Variants in UBA5 observed in about 807,000 individuals in gnomAD.
The protein encoded by UBA5 is ubiquitin-like modifier-activating enzyme 5.
UBA5 carries 28 observed loss-of-function variants against 52.9 expected under a neutral mutation model. The ratio of observed to expected loss-of-function variants is 0.53; its 90% CI spans 0.39 to 0.73. The LOEUF is 0.73. Among genes scored for constraint, UBA5 ranks in the 30% least tolerant of loss-of-function variants. UBA5 has a pLI of 0.00. For synonymous variants in UBA5, 135 were observed against 162.1 expected (o/e 0.83, Z 1.27); for missense variants, 388 against 492.7 (o/e 0.79, Z 2.01).
At position 132,679,183 on chromosome 3, in the gene UBA5, G is replaced by A. The variant is rs148466973; in HGVS notation, c.*2657G>A. ...CTTAGGAGGCTGAGGCAGGAGAATC[G>A]CTTGAACCTGGGAGGCAGAGGTTGC... On this transcript the variant is annotated 3_prime_UTR_variant, in exon 12 of 12. Transcript: ENST00000356232. Among the ~76,000 whole-genome samples the A allele has an allele frequency of 0.028, 4,229 of 151,802 alleles. 173 individuals are homozygous for A. The highest frequency in any genetic ancestry group is 0.095 in the African/African-American group (3,928 of 41,362).
chr3:132,674,358 C>T (rs905879133), intron 8 of UBA5, among the ~76,000 whole-genome samples: 1 of 152,054 alleles, frequency 6.6e-6, no homozygotes, highest in Non-Finnish European at 1.5e-5. Context: ...TTACTTTTAA[C>T]AAAAACTGCA....
chr3:132,673,211 A>G (rs1938680102), intron 8 of UBA5, among the ~76,000 whole-genome samples: 1 of 152,186 alleles, frequency 6.6e-6, no homozygotes, highest in Non-Finnish European at 1.5e-5. Context: ...TGGCTAACAA[A>G]GTATTCCCTT....
chr3:132,655,333 G>T (rs57439039), upstream of UBA5, among the ~76,000 whole-genome samples: 56,110 of 151,444 alleles, frequency 0.37, 12,921 homozygotes, highest in East Asian at 0.71. Flanking sequence ...TTGTTTGTTT[G>T]TTTAAAGATT....
intron 3 of UBA5, chr3:132,668,040 T>C (rs1001860909): frequency 6.6e-6 from 1 of 152,144 alleles, no homozygotes; most frequent in Non-Finnish European, 1.5e-5. Context: ...TTGTTTTTAT[T>C]GTTTAGTGTG....
intron 3 of UBA5, chr3:132,667,597 G>C (rs1938430701): frequency 6.6e-6 from 1 of 152,160 alleles, no homozygotes; most frequent in African/African-American, 2.4e-5. Flanking sequence ...GAAGATGTTA[G>C]GAAACCCAGA....
chr3:132,666,160 C>A, intron 3 of UBA5, 87 bp downstream of exon 3: 1 of 1,132,738 alleles, frequency 8.8e-7, no homozygotes, highest in Non-Finnish European at 1.3e-6. Flanking sequence ...TTTTCTTTAC[C>A]AGTGGCTTAT....
At chr3:132,661,144 G>C in intron 1 of UBA5, 1 of 1,068,664 alleles carries the variant, frequency 9.4e-7, no homozygotes, top group Non-Finnish European at 1.2e-6. Context: ...ATATTCGGGT[G>C]CTCCTTAACA....
At chr3:132,667,321 A>G (rs1285134713) in intron 3 of UBA5, 1 of 152,196 alleles carries the variant, frequency 6.6e-6, no homozygotes, top group African/African-American at 2.4e-5. Context: ...TTTGAGTAGC[A>G]AAGAGGTAGA....
Position 132,678,636 on chromosome 3 carries a change from T to C in UBA5, c.*2110T>C, listed in dbSNP as rs559980600. On this transcript the variant is annotated 3_prime_UTR_variant, in exon 12 of 12. Coordinates refer to ENST00000356232, the MANE Select transcript of UBA5 (RefSeq NM_024818.6). ...ACAACACAAAAAACGTAATGGCCAC[T>C]TAAGAATATTTATTTATTTATTTAT... is the stretch of plus-strand genomic sequence containing the variant. Among the ~76,000 whole-genome samples, 2 of 152,212 alleles carry C rather than the reference T, an allele frequency of 1.3e-5. No individual in the cohort carries two copies. The highest frequency in any genetic ancestry group is 4.2e-4 in the South Asian group (2 of 4,818).
intron 1 of UBA5, chr3:132,661,189 G>A (rs531016558): frequency 7.2e-6 from 4 of 553,396 alleles, no homozygotes; most frequent in African/African-American, 4.0e-5. Context: ...GACTGCCCAG[G>A]CCTCTCTTTT....
chr3:132,671,090 C>T, intron 6 of UBA5, 41 bp downstream of exon 6: 1 of 1,520,950 alleles, frequency 6.6e-7, no homozygotes, highest in Non-Finnish European at 9.1e-7. Context: ...ATGGATTTAT[C>T]TGTTTTCCTG....
chr3:132,659,472 G>T (rs925496678), upstream of UBA5: 1 of 1,329,078 alleles, frequency 7.5e-7, no homozygotes, highest in Admixed American at 2.4e-5. Context: ...GCTCATGCCT[G>T]TAGGGTGCGT....
chr3:132,666,165 G>T, intron 3 of UBA5, 92 bp downstream of exon 3: 1 of 1,044,622 alleles, frequency 9.6e-7, no homozygotes, highest in South Asian at 1.3e-5. Flanking sequence ...TTTACCAGTG[G>T]CTTATTGACT....
At chr3:132,660,200 G>T, upstream of UBA5, 1 of 432,074 alleles carries the variant, frequency 2.3e-6, no homozygotes, top group Non-Finnish European at 4.1e-6. This position sits in a 1 kb window ranked among gnomAD's most constrained non-coding sequence, Gnocchi z 4.1. Context: ...CGGTTAGCAA[G>T]GCAACATCGC....
Position 132,676,403 on chromosome 3 carries a change from A to G in UBA5, c.1132-40A>G. The G allele has an allele frequency of 6.7e-7, 1 of 1,498,712 alleles. No individual in the cohort carries two copies. The highest frequency in any genetic ancestry group is 9.2e-7 in the Non-Finnish European group (1 of 1,083,304). The allele number at this position is 1,498,712 out of a possible 1,614,324, so 92.8% of individuals were successfully genotyped here. A position where few individuals can be genotyped will look rare whatever the true frequency, so the allele number is the denominator to read the frequency against. On this transcript the variant is annotated intron_variant, in intron 11 of 11. Transcript: ENST00000356232. This position sits in a 1 kb window ranked among gnomAD's most constrained non-coding sequence, Gnocchi z 4.1. ...TATTCCTAAGCATCAAGAATTCTATATGGTTCTTTTTTCACTGTATTTCCC... is the reference window on the plus strand; with the variant it reads ...TATTCCTAAGCATCAAGAATTCTATGTGGTTCTTTTTTCACTGTATTTCCC...
chr3:132,662,308 T>C (rs1464810954), intron 1 of UBA5, among the ~76,000 whole-genome samples: 1 of 152,246 alleles, frequency 6.6e-6, no homozygotes, highest in East Asian at 1.9e-4. Flanking sequence ...AGCAAATATT[T>C]ACTGAGTACA....
In UBA5 at chr3:132,671,765, A is replaced by G. The variant is rs368409295; in HGVS notation, c.580-12A>G. On this transcript the variant is annotated splice_polypyrimidine_tract_variant and intron_variant, in intron 6 of 11. Coordinates refer to ENST00000356232, the MANE Select transcript of UBA5 (RefSeq NM_024818.6). ...ATTTTTTTTCCTTATGTTTTCACCCATTTCTACTAAGGCTTGTAATGAACT... is the reference window on the plus strand; with the variant it reads ...ATTTTTTTTCCTTATGTTTTCACCCGTTTCTACTAAGGCTTGTAATGAACT... The G allele has an allele frequency of 5.7e-6, 9 of 1,588,428 alleles. No individual in the cohort carries two copies. The highest frequency in any genetic ancestry group is 1.7e-4 in the Middle Eastern group (1 of 5,946).
intron 3 of UBA5, among the ~76,000 whole-genome samples, chr3:132,666,679 G>C (rs529829193): frequency 1.3e-5 from 2 of 152,180 alleles, no homozygotes; most frequent in East Asian, 3.9e-4. Context: ...TTCTGGTAAA[G>C]GAAGCATTCT....
intron 1 of UBA5, among the ~76,000 whole-genome samples, chr3:132,665,328 C>A (rs1938331041): frequency 6.6e-6 from 1 of 151,996 alleles, no homozygotes; most frequent in African/African-American, 2.4e-5. Context: ...ACTTAAACTG[C>A]AGATTACCAG....
Sources: allele counts gnomAD v4.1 joint callset (sites outside exome capture counted in the v4.1 genomes callset), GRCh38; gene constraint gnomAD v4.1.1; non-coding constraint Gnocchi (gnomAD v3.1); transcripts MANE v1.5; gene names NCBI Gene and HGNC (gene_info 2026-07-23, HGNC 2026-07-21).